ZC3H4: variants seen among roughly 807,000 people sequenced by gnomAD.
The protein encoded by ZC3H4 is zinc finger CCCH domain-containing protein 4.
A neutral mutation model predicts 108.3 loss-of-function variants in ZC3H4; 13 were observed. The ratio of observed to expected loss-of-function variants is 0.12; its 90% CI spans 0.08 to 0.19. The LOEUF is 0.19. ZC3H4 is among the 10% of genes least tolerant of loss of function. The pLI is 1.00. For missense variants in ZC3H4, 1,734 were observed against 1,838.8 expected (o/e 0.94, Z 1.04); for synonymous variants, 917 against 749.6 (o/e 1.22, Z -3.65).
At chr19:47,093,023 T>C (rs2057762869) in intron 4 of ZC3H4, among the ~76,000 whole-genome samples, 1 of 151,866 alleles carries the variant, frequency 6.6e-6, no homozygotes, top group Non-Finnish European at 1.5e-5. Context: ...GAGACCATCC[T>C]GGCTAAGACG....
rs750519323 is a variant in ZC3H4 at position 47,086,477 on chromosome 19, G to A, written c.777C>T (p.Arg259=). 26 of 1,609,792 alleles carry A rather than the reference G, an allele frequency of 1.6e-5. No homozygotes were observed. The highest frequency in any genetic ancestry group is 6.6e-5 in the South Asian group (6 of 90,830). ...TGCCTCGGCTGCCCCTGCCCATGCC[G>A]CGGCCTCGCGATCCTCCACGGCTTC... ...GRGSRGGSRG[R]GMGRGSRGRG... Residue 259 remains arginine, a synonymous_variant, in exon 6 of 15, where the codon CGC becomes CGT. Transcript: ENST00000253048.
intron 2 of ZC3H4, among the ~76,000 whole-genome samples, chr19:47,095,327 G>T (rs976130419): frequency 1.3e-5 from 2 of 152,332 alleles, no homozygotes; most frequent in Middle Eastern, 6.8e-3. Flanking sequence ...GCTGGAAACA[G>T]GCTCAGAGTC....
rs1015072710 is a variant in ZC3H4 at position 47,102,943 on chromosome 19, G to C, written c.162-8335C>G. Among the ~76,000 whole-genome samples the C allele has an allele frequency of 2.6e-5, 4 of 152,294 alleles. No individual in the cohort carries two copies. In the South Asian group the frequency reaches 8.3e-4, roughly 32 times the overall value. On this transcript the variant is annotated intron_variant, in intron 2 of 14. Coordinates refer to ENST00000253048, the MANE Select transcript of ZC3H4 (RefSeq NM_015168.2). ...CAAACCACTTAGGCAGAACATTTCT[G>C]TAAAGCTTCAAACAGGCTGACCGTG... is the stretch of plus-strand genomic sequence containing the variant.
intron 3 of ZC3H4, 62 bp from the exon 4 acceptor site, chr19:47,094,142 A>G (rs1362340357): frequency 7.9e-6 from 12 of 1,516,280 alleles, no homozygotes; most frequent in African/African-American, 5.5e-5. Flanking sequence ...GGGCACAGTC[A>G]GCCTCAGGAC....
rs1212160647 is a variant in ZC3H4 at position 47,065,197 on chromosome 19, C to T, written c.*1159G>A. 6.6e-6 allele frequency: 1 copy of T among 152,284 alleles called. No homozygotes were observed. The highest frequency in any genetic ancestry group is 1.5e-5 in the Non-Finnish European group (1 of 68,072). The allele number at this position is 152,284 out of a possible 1,614,324, so 9.4% of individuals were successfully genotyped here. A position where few individuals can be genotyped will look rare whatever the true frequency, so the allele number is the denominator to read the frequency against. On this transcript the variant is annotated 3_prime_UTR_variant, in exon 15 of 15. Coordinates refer to ENST00000253048, the MANE Select transcript of ZC3H4 (RefSeq NM_015168.2). ...GCAGAGGCTCCCCATCCCCTGGCTG[C>T]AGGGTTCCCACTCAGTCCGTTTCTT...
In ZC3H4 at chr19:47,066,186, CAAAG is replaced by C. The variant is rs910514667; in HGVS notation, c.*166_*169del. 7.0e-5 allele frequency: 39 copies of C among 560,964 alleles called. No homozygotes were observed. The highest frequency in any genetic ancestry group is 4.8e-4 in the Middle Eastern group (1 of 2,068). The allele number at this position is 560,964 out of a possible 1,614,324, so 34.7% of individuals were successfully genotyped here. A position where few individuals can be genotyped will look rare whatever the true frequency, so the allele number is the denominator to read the frequency against. ...ATGGTTATATACAATTTACAAATCT[CAAAG>C]AAAGTACTACTTTAAAAAAAAATAA... is the stretch of plus-strand genomic sequence containing the variant. On this transcript the variant is annotated 3_prime_UTR_variant, in exon 15 of 15. Transcript: ENST00000253048.
intron 2 of ZC3H4, among the ~76,000 whole-genome samples, chr19:47,097,251 C>G (rs1424840632): frequency 1.3e-5 from 2 of 152,260 alleles, no homozygotes; most frequent in Non-Finnish European, 2.9e-5. Flanking sequence ...ACAAAACAGG[C>G]AGTGACTACT....
chr19:47,083,984 C>T (rs1217192505), intron 9 of ZC3H4, among the ~76,000 whole-genome samples: 1 of 152,114 alleles, frequency 6.6e-6, no homozygotes, highest in East Asian at 1.9e-4. Context: ...TGTTTGGATG[C>T]TTTAATCATT....
chr19:47,105,648 G>A (rs930156129), intron 2 of ZC3H4, among the ~76,000 whole-genome samples: 13 of 152,088 alleles, frequency 8.5e-5, no homozygotes, highest in Non-Finnish European at 1.8e-4. Context: ...AAACAGGCTG[G>A]GTGGGCTGGC....
rs1200899470 is a variant in ZC3H4 at position 47,066,606 on chromosome 19, G to A, written c.3662C>T (p.Pro1221Leu). 1.9e-6 allele frequency: 3 copies of A among 1,606,792 alleles called. No individual in the cohort carries two copies. Among genetic ancestry groups the A allele is most frequent in the Non-Finnish European group, 2.5e-6 (3 of 1,176,670 alleles). The change falls in exon 15 of 15, where the codon CCC becomes CTC. Residue 1221 changes from proline (P) to leucine (L), a missense_variant. Physicochemically the swap from Pro to Leu is moderately conservative, Grantham distance 98. Around this residue, in one of 9 missense-constraint regions of ZC3H4, gnomAD observed 518 missense variants for 499.6 expected, o/e 1.04. Transcript: ENST00000253048. ...GGGGGCTGCAGCAGCCTTGGGCCGGGGCCGGTTGTAGCTGTTGTATCTGTC... is the reference window on the plus strand; with the variant it reads ...GGGGGCTGCAGCAGCCTTGGGCCGGAGCCGGTTGTAGCTGTTGTATCTGTC... ...PTDRYNSYNR[P>L]RPKAAAAPAA...
Position 47,084,408 on chromosome 19 carries a change from G to C in ZC3H4, c.1155C>G (p.His385Gln). ...CTTTGCCTTTCTTGTCCGACTGCTG[G>C]TGGGGCTTGTCATGGTCACGACTCC... ...SYRSRDHDKPHQQSDKKGKVI... is the reference protein window; with the variant it reads ...SYRSRDHDKPQQQSDKKGKVI... The change falls in exon 9 of 15, where the codon CAC (histidine) becomes CAG (glutamine). Residue 385 changes from histidine to glutamine, a missense_variant. His to Gln is a conservative substitution (Grantham distance 24). Around this residue, in one of 9 missense-constraint regions of ZC3H4, gnomAD observed 403 missense variants for 457.0 expected, o/e 0.88. Transcript: ENST00000253048. 1.2e-6 allele frequency: 2 copies of C among 1,614,224 alleles called. No homozygotes were observed. Among genetic ancestry groups the C allele is most frequent in the African/African-American group, 2.7e-5 (2 of 75,052 alleles).
At chr19:47,094,929 A>G (rs2057797787) in intron 2 of ZC3H4, among the ~76,000 whole-genome samples, 1 of 152,254 alleles carries the variant, frequency 6.6e-6, no homozygotes, top group African/African-American at 2.4e-5. Context: ...CTGTGGTCAC[A>G]TAAGCAGGAA....
intron 11 of ZC3H4, among the ~76,000 whole-genome samples, chr19:47,075,421 T>C (rs2057402448): frequency 6.6e-6 from 1 of 152,090 alleles, no homozygotes; most frequent in African/African-American, 2.4e-5. Flanking sequence ...GGGCCATGGC[T>C]TGCGCTGCAG....
intron 2 of ZC3H4, among the ~76,000 whole-genome samples, chr19:47,107,055 C>G (rs1047580867): frequency 7.2e-5 from 11 of 152,168 alleles, no homozygotes; most frequent in African/African-American, 2.7e-4. Context: ...GAGGTACAGT[C>G]AGCATTAAGC....
At chr19:47,088,812 A>G (rs970717460) in intron 5 of ZC3H4, among the ~76,000 whole-genome samples, 31 of 152,110 alleles carry the variant, frequency 2.0e-4, no homozygotes, top group African/African-American at 7.2e-4. Context: ...GAAAATATAA[A>G]CGACATGGTG....
intron 11 of ZC3H4, among the ~76,000 whole-genome samples, chr19:47,074,738 C>T (rs775044950): frequency 1.2e-4 from 18 of 152,224 alleles, no homozygotes; most frequent in East Asian, 1.9e-4. Flanking sequence ...AAACCCTGGG[C>T]GCTGAGCAAG....
At position 47,112,528 on chromosome 19, in the gene ZC3H4, T is replaced by C. The variant is rs2058053945; in HGVS notation, c.57A>G (p.Pro19=). The C allele has an allele frequency of 9.4e-6, 10 of 1,066,718 alleles. No homozygotes were observed. The highest frequency in any genetic ancestry group is 1.2e-5 in the Non-Finnish European group (10 of 833,204). The allele number at this position is 1,066,718 out of a possible 1,614,324, so 66.1% of individuals were successfully genotyped here. The change falls in exon 2 of 15, where the codon CCA becomes CCG. Residue 19 remains proline, a synonymous_variant. Transcript: ENST00000253048. The part of the protein sequence containing the change: ...PPPPSESPPP[P]SPPPPSTPSP... ...AAGGCGTTGATGGCGGCGGCGGCGATGGCGGCGGCGGCGACTCTGATGGCG... is the reference window on the plus strand; with the variant it reads ...AAGGCGTTGATGGCGGCGGCGGCGACGGCGGCGGCGGCGACTCTGATGGCG...
At chr19:47,087,559 ACCTCATC>A (rs113104390) in intron 5 of ZC3H4, among the ~76,000 whole-genome samples, 4,054 of 151,892 alleles carry the variant, frequency 0.027, 144 homozygotes, top group African/African-American at 0.084. Context: ...ACATAGCAAA[ACCTCATC>A]CCTCATCTCT....
intron 9 of ZC3H4, among the ~76,000 whole-genome samples, chr19:47,083,574 G>A (rs935400089): frequency 2.6e-5 from 4 of 151,918 alleles, no homozygotes; most frequent in African/African-American, 7.2e-5. Flanking sequence ...GTGTGGTGGC[G>A]GGCAGGCACC....
Sources: allele counts gnomAD v4.1 joint callset (sites outside exome capture counted in the v4.1 genomes callset), GRCh38; gene constraint gnomAD v4.1.1; regional missense constraint gnomAD v4.1.1; transcripts MANE v1.5; gene names NCBI Gene and HGNC (gene_info 2026-07-23, HGNC 2026-07-21).